SYT2: variants seen among roughly 807,000 people sequenced by gnomAD.
SYT2 encodes synaptotagmin-2.
A neutral mutation model predicts 39.9 loss-of-function variants in SYT2; 15 were observed. The observed-to-expected ratio is 0.38, with a 90% CI of 0.25 to 0.58. The LOEUF is 0.58. Among genes scored for constraint, SYT2 ranks in the 20% least tolerant of loss-of-function variants. The pLI, the probability that SYT2 is intolerant of heterozygous loss-of-function variation, is 0.70. For missense variants in SYT2, 389 were observed against 530.3 expected (o/e 0.73, Z 2.62); for synonymous variants, 181 against 204.5 (o/e 0.89, Z 0.98).
At chr1:202,707,609 C>A (rs1654285867) in intron 1 of SYT2, among the ~76,000 whole-genome samples, 1 of 152,236 alleles carries the variant, frequency 6.6e-6, no homozygotes, top group South Asian at 2.1e-4. Flanking sequence ...GATGGTCATT[C>A]TTCCAGGCAA....
chr1:202,699,010 C>CTTTTTT (rs5780118), intron 1 of SYT2, among the ~76,000 whole-genome samples: 23 of 97,946 alleles, frequency 2.3e-4, no homozygotes, highest in East Asian at 6.8e-4. Flanking sequence ...ACCAAACTGT[C>CTTTTTT]TTTTTTTTTT....
rs1690622247 is a variant in SYT2, at chr1:202,604,274, C to T, written c.345+181G>A. 8 of 644,456 alleles carry T rather than the reference C, an allele frequency of 1.2e-5. No homozygotes were observed. The East Asian group carries it at 2.0e-4, about 16-fold the overall frequency. 39.9% of individuals were successfully genotyped at this position (644,456 alleles called of 1,614,324 possible). A position where few individuals can be genotyped will look rare whatever the true frequency, so the allele number is the denominator to read the frequency against. Reference sequence around the variant, plus strand: ...TTCATGCTAACACAGGAATAAGGCCCCCCCCTCCCAGGGGCCTCCAGGTAG... The same window carrying T: ...TTCATGCTAACACAGGAATAAGGCCTCCCCCTCCCAGGGGCCTCCAGGTAG... On this transcript the variant is annotated intron_variant, in intron 3 of 8. Coordinates refer to ENST00000367268, the MANE Select transcript of SYT2 (RefSeq NM_177402.5).
chr1:202,617,418 T>C (rs1261527807), intron 1 of SYT2, among the ~76,000 whole-genome samples: 2 of 151,930 alleles, frequency 1.3e-5, no homozygotes, highest in African/African-American at 4.8e-5. Context: ...CCATGTGAAG[T>C]GCTGGCTCCC....
rs565766623 is a variant in SYT2 at position 202,616,529 on chromosome 1, C to T, written c.-17-10740G>A. ...ACACATATACACACGTGCACACACA[C>T]GCACACATGGTCCCCATTTCGTCAC... On this transcript the variant is annotated intron_variant, in intron 1 of 8. Coordinates refer to ENST00000367268, the MANE Select transcript of SYT2 (RefSeq NM_177402.5). Among the ~76,000 whole-genome samples the T allele has an allele frequency of 1.6e-4, 25 of 152,320 alleles. No individual in the cohort carries two copies. The East Asian group carries it at 3.3e-3, about 20-fold the overall frequency.
chr1:202,652,202 G>C (rs1407576029), intron 1 of SYT2, among the ~76,000 whole-genome samples: 3 of 152,234 alleles, frequency 2.0e-5, no homozygotes, highest in Non-Finnish European at 4.4e-5. Flanking sequence ...TCTGTTGAGG[G>C]AACAGCCATC....
At chr1:202,695,783 A>T (rs1485553853) in intron 1 of SYT2, among the ~76,000 whole-genome samples, 1 of 152,166 alleles carries the variant, frequency 6.6e-6, no homozygotes, top group Non-Finnish European at 1.5e-5. Flanking sequence ...CATGCAAAAC[A>T]TCTCCCACTG....
At chr1:202,668,891 T>C (rs1692529367) in intron 1 of SYT2, among the ~76,000 whole-genome samples, 1 of 152,206 alleles carries the variant, frequency 6.6e-6, no homozygotes, top group Non-Finnish European at 1.5e-5. Flanking sequence ...CATGCATCTC[T>C]TGAAGTAGAA....
rs1572610652 is a variant in SYT2 at position 202,601,660 on chromosome 1, G to A, written c.801+230C>T. Among the ~76,000 whole-genome samples the A allele has an allele frequency of 6.6e-6, 1 of 152,176 alleles. No homozygotes were observed. On this transcript the variant is annotated intron_variant, in intron 6 of 8. Transcript: ENST00000367268. The surrounding 1 kb of genome is among the most constrained non-coding windows in gnomAD (Gnocchi z 4.0). ...CCAAATACCAGTCGCTGCGCTAGGCGCTTTATGCAGGTAATGAATCCTCAT... is the reference window on the plus strand; with the variant it reads ...CCAAATACCAGTCGCTGCGCTAGGCACTTTATGCAGGTAATGAATCCTCAT...
At chr1:202,684,108 A>G (rs955113766) in intron 1 of SYT2, among the ~76,000 whole-genome samples, 1 of 152,206 alleles carries the variant, frequency 6.6e-6, no homozygotes, top group Non-Finnish European at 1.5e-5. Flanking sequence ...ATTTTAATAT[A>G]CATATATATA....
intron 1 of SYT2, among the ~76,000 whole-genome samples, chr1:202,616,682 A>G (rs1691048340): frequency 6.6e-6 from 1 of 152,148 alleles, no homozygotes; most frequent in African/African-American, 2.4e-5. Flanking sequence ...ATTTTCCTTG[A>G]GCTGGACCCC....
chr1:202,670,007 C>A (rs1266514153), intron 1 of SYT2, among the ~76,000 whole-genome samples: 1 of 152,168 alleles, frequency 6.6e-6, no homozygotes, highest in Non-Finnish European at 1.5e-5. Context: ...GTGCCACCCA[C>A]ACCCCAACAT....
intron 1 of SYT2, among the ~76,000 whole-genome samples, chr1:202,677,156 T>C (rs1193760603): frequency 2.0e-5 from 3 of 152,224 alleles, no homozygotes; most frequent in African/African-American, 7.2e-5. Flanking sequence ...TCTTCATAAG[T>C]TACCCAGTCT....
chr1:202,696,494 TTAAA>T (rs1259761344), intron 1 of SYT2, among the ~76,000 whole-genome samples: 5 of 151,366 alleles, frequency 3.3e-5, no homozygotes, highest in East Asian at 1.9e-4. Context: ...ATAATTGTAA[TTAAA>T]TAAACAATCG....
At chr1:202,637,151 G>C (rs1158644738) in intron 1 of SYT2, among the ~76,000 whole-genome samples, 2 of 152,112 alleles carry the variant, frequency 1.3e-5, no homozygotes, top group African/African-American at 4.8e-5. Flanking sequence ...GTGAAACCCT[G>C]CCTCTACCAA....
At chr1:202,687,789 T>A (rs901607996) in intron 1 of SYT2, among the ~76,000 whole-genome samples, 1 of 152,164 alleles carries the variant, frequency 6.6e-6, no homozygotes, top group African/African-American at 2.4e-5. Context: ...TTGCTTTTGT[T>A]TAAGAATAGA....
rs1691255990 is a variant in SYT2 at position 202,623,366 on chromosome 1, C to T, written c.-17-17577G>A. Among the ~76,000 whole-genome samples the T allele has an allele frequency of 6.6e-6, 1 of 152,206 alleles. No individual in the cohort carries two copies. The highest frequency in any genetic ancestry group is 2.1e-4 in the South Asian group (1 of 4,830). On this transcript the variant is annotated intron_variant, in intron 1 of 8. Transcript: ENST00000367268. The surrounding 1 kb of genome is among the most constrained non-coding windows in gnomAD (Gnocchi z 4.2). ...CTGGGGCCCCCAGCTGCTCCCAGCC[C>T]AGGGGGCTGCCTCTGGCCCCCAGAC...
intron 1 of SYT2, among the ~76,000 whole-genome samples, chr1:202,698,980 C>G (rs924085107): frequency 1.0e-4 from 15 of 147,608 alleles, no homozygotes; most frequent in African/African-American, 3.7e-4. Flanking sequence ...GCATCCAGAG[C>G]TGTGTGGATA....
chr1:202,625,675 C>T (rs554245682), intron 1 of SYT2, among the ~76,000 whole-genome samples: 19 of 152,222 alleles, frequency 1.2e-4, no homozygotes, highest in African/African-American at 4.1e-4. Context: ...CCACGCCCTC[C>T]GCACACAGCC....
intron 1 of SYT2, among the ~76,000 whole-genome samples, chr1:202,625,292 G>A (rs1413626010): frequency 4.5e-5 from 5 of 112,152 alleles, no homozygotes; most frequent in Non-Finnish European, 8.6e-5. Context: ...GATGTTTGTG[G>A]TGTGTGCTGT....
Sources: gnomAD v4.1 joint callset for allele counts (sites outside exome capture counted in the v4.1 genomes callset) on GRCh38, gnomAD v4.1.1 for gene constraint, Gnocchi (gnomAD v3.1) non-coding constraint, MANE v1.5 for transcripts, NCBI Gene and HGNC (gene_info 2026-07-23, HGNC 2026-07-21) for gene names.